Variants in PCDH15 observed in about 807,000 individuals in gnomAD.
The protein encoded by PCDH15 is protocadherin-15.
In PCDH15, 129 loss-of-function variants were observed where a neutral mutation model predicts 178.5. The ratio of observed to expected loss-of-function variants is 0.72; its 90% CI spans 0.63 to 0.84. The LOEUF (loss-of-function observed/expected upper bound fraction) is 0.84. Among genes scored for constraint, PCDH15 ranks in the 40% least tolerant of loss-of-function variants. PCDH15 has a pLI of 0.00. For missense variants in PCDH15, 2,230 were observed against 2,099.9 expected, an observed-to-expected ratio of 1.06 and a Z score of -1.21; for synonymous variants, 800 against 732.0, an observed-to-expected ratio of 1.09 and a Z score of -1.50.
chr10:53,806,929 CT>C lies in PCDH15; in HGVS notation c.4872del (p.Val1625LeufsTer14). ...TRRACLTDNL[K>X]VASPVRLGGP... Reference sequence around the variant, plus strand: ...CCTCCCAGTCGAACAGGGGAAGCAACTTTTAAGTTGTCCGTGAGGCAGGCAC... The same window carrying C: ...CCTCCCAGTCGAACAGGGGAAGCAACTTTAAGTTGTCCGTGAGGCAGGCAC... On this transcript the variant is annotated frameshift_variant, in exon 38 of 38. Transcript: ENST00000644397. LOFTEE classifies it high-confidence loss of function. 2 of 1,613,858 alleles carry C rather than the reference CT, an allele frequency of 1.2e-6. No homozygotes were observed. The highest frequency in any genetic ancestry group is 2.2e-5 in the South Asian group (2 of 91,078).
At chr10:54,416,347 C>A (rs770437569) in intron 3 of PCDH15, among the ~76,000 whole-genome samples, 6 of 151,940 alleles carry the variant, frequency 3.9e-5, no homozygotes, top group Non-Finnish European at 7.4e-5. Flanking sequence ...CATTGTTCAA[C>A]CCCCACTTAT....
chr10:55,602,914 A>T (rs1353787385), intron 2 of PCDH15, among the ~76,000 whole-genome samples: 2 of 152,190 alleles, frequency 1.3e-5, no homozygotes, highest in Non-Finnish European at 2.9e-5. Flanking sequence ...CTGAGAGAAG[A>T]AGGCTTCAGA....
At chr10:54,509,419 TG>T (rs1250024664) in intron 3 of PCDH15, among the ~76,000 whole-genome samples, 2 of 152,168 alleles carry the variant, frequency 1.3e-5, no homozygotes, top group African/African-American at 4.8e-5. Flanking sequence ...ACCATGATTG[TG>T]AGGCCTCCCC....
rs1342298482 is a variant in PCDH15, at chr10:53,845,124, G to A, written c.3807-4628C>T. Among the ~76,000 whole-genome samples, 4 of 151,608 alleles carry A rather than the reference G, an allele frequency of 2.6e-5. 1 individual carries two copies. The highest frequency in any genetic ancestry group is 4.1e-4 in the South Asian group (2 of 4,824). On this transcript the variant is annotated intron_variant, in intron 28 of 37. Coordinates refer to ENST00000644397, the MANE Select transcript of PCDH15 (RefSeq NM_001384140.1). Reference sequence around the variant, plus strand: ...TCAATAGGCATATGAAAAAATGCTCGACATCACTAATCATCAAGGCAATGA... The same window carrying A: ...TCAATAGGCATATGAAAAAATGCTCAACATCACTAATCATCAAGGCAATGA...
chr10:54,436,050 GAAA>G (rs1441204309), intron 3 of PCDH15, among the ~76,000 whole-genome samples: 1 of 134,116 alleles, frequency 7.5e-6, no homozygotes, highest in Admixed American at 7.4e-5. Context: ...GAGAGAGAGA[GAAA>G]AGAAAGAAAG....
intron 1 of PCDH15, among the ~76,000 whole-genome samples, chr10:54,687,779 G>A (rs934932813): frequency 4.6e-5 from 7 of 152,028 alleles, no homozygotes; most frequent in African/African-American, 1.7e-4. Context: ...AGTCAGAATT[G>A]AGTCCAATCT....
At chr10:54,374,826 C>T (rs1948166707) in intron 4 of PCDH15, among the ~76,000 whole-genome samples, 1 of 151,976 alleles carries the variant, frequency 6.6e-6, no homozygotes, top group Non-Finnish European at 1.5e-5. Context: ...TAATTAAATA[C>T]AAATATCTGA....
intron 3 of PCDH15, among the ~76,000 whole-genome samples, chr10:54,457,317 G>A (rs1397141789): frequency 6.6e-6 from 1 of 152,044 alleles, no homozygotes; most frequent in East Asian, 1.9e-4. Flanking sequence ...ACTAAACAAT[G>A]AGCAATATTA....
intron 20 of PCDH15, among the ~76,000 whole-genome samples, chr10:53,996,476 C>A (rs1191500133): frequency 6.6e-6 from 1 of 152,132 alleles, no homozygotes; most frequent in Admixed American, 6.5e-5. Flanking sequence ...CCACTTTCAT[C>A]AGATATTTAG....
chr10:54,146,686 C>T (rs547433185), intron 14 of PCDH15, among the ~76,000 whole-genome samples: 42 of 151,216 alleles, frequency 2.8e-4, no homozygotes, highest in Admixed American at 1.7e-3. Flanking sequence ...CACAGACATA[C>T]GTATTTCATT....
At chr10:54,538,468 T>C (rs1426163341) in intron 2 of PCDH15, among the ~76,000 whole-genome samples, 11 of 152,228 alleles carry the variant, frequency 7.2e-5, no homozygotes, top group Admixed American at 6.5e-4. Context: ...CATTGGTCTA[T>C]GTGTCTATTT....
intron 8 of PCDH15, among the ~76,000 whole-genome samples, chr10:54,273,835 T>A (rs1422914302): frequency 1.3e-5 from 2 of 152,062 alleles, no homozygotes; most frequent in Non-Finnish European, 2.9e-5. Flanking sequence ...GGCTATTCCC[T>A]CTGGAACACC....
chr10:54,098,825 G>A (rs2094750723), intron 15 of PCDH15, among the ~76,000 whole-genome samples: 1 of 152,120 alleles, frequency 6.6e-6, no homozygotes, highest in East Asian at 1.9e-4. Flanking sequence ...TCAGTTTACA[G>A]CCCTCAACAT....
chr10:53,935,461 C>T (rs779005528), intron 25 of PCDH15, among the ~76,000 whole-genome samples: 3 of 152,104 alleles, frequency 2.0e-5, no homozygotes, highest in Non-Finnish European at 4.4e-5. Flanking sequence ...AAAAAGTGTA[C>T]CATGTAATGT....
intron 7 of PCDH15, among the ~76,000 whole-genome samples, chr10:54,328,730 T>C (rs1043460391): frequency 2.6e-5 from 4 of 151,944 alleles, no homozygotes; most frequent in Non-Finnish European, 5.9e-5. Flanking sequence ...GTGATGCTTA[T>C]GGCCATGGTA....
At chr10:54,624,475 A>T (rs959362728) in intron 2 of PCDH15, among the ~76,000 whole-genome samples, 13 of 152,246 alleles carry the variant, frequency 8.5e-5, no homozygotes, top group African/African-American at 2.4e-4. Flanking sequence ...TCTTAGTAAG[A>T]TACTGCAGTA....
chr10:55,308,543 A>G (rs914893885), intron 1 of PCDH15, among the ~76,000 whole-genome samples: 6 of 152,196 alleles, frequency 3.9e-5, no homozygotes, highest in African/African-American at 1.4e-4. Context: ...TCATTTTCTA[A>G]TACAGAGATC....
chr10:54,610,701 TATA>T (rs2092933071), intron 2 of PCDH15, among the ~76,000 whole-genome samples: 1 of 151,852 alleles, frequency 6.6e-6, no homozygotes, highest in African/African-American at 2.4e-5. Flanking sequence ...TTTGGGTTTC[TATA>T]ATAATAAAAA....
Position 55,368,526 on chromosome 10 carries a change from C to T in PCDH15, c.-155-201875G>A, listed in dbSNP as rs562765065. ...AAGTTTGATTGCTCTATCTGTAGAA[C>T]AACTATCTCTTAGAGTCACTGAAAT... On this transcript the variant is annotated intron_variant, in intron 2 of 5. Transcript: ENST00000613346. Among the ~76,000 whole-genome samples the T allele has an allele frequency of 3.3e-5, 5 of 152,190 alleles. No homozygotes were observed. The South Asian group carries it at 8.3e-4, about 25-fold the overall frequency.
Sources: gnomAD v4.1 joint callset for allele counts (sites outside exome capture counted in the v4.1 genomes callset) on GRCh38, gnomAD v4.1.1 for gene constraint, MANE v1.5 for transcripts, NCBI Gene and HGNC (gene_info 2026-07-23, HGNC 2026-07-21) for gene names.